Variants in SERPINI1 observed in about 807,000 individuals in gnomAD.
SERPINI1 encodes serpin family I member 1, also known as neuroserpin.
SERPINI1 carries 19 observed loss-of-function variants against 41.1 expected under a neutral mutation model. The observed-to-expected ratio is 0.46, with a 90% CI of 0.32 to 0.68. The LOEUF (loss-of-function observed/expected upper bound fraction) is 0.68, where lower values mean the gene tolerates loss of function less well. SERPINI1 is among the 30% of genes least tolerant of loss of function. SERPINI1 has a pLI of 0.03. For missense variants in SERPINI1, 460 were observed against 479.2 expected (o/e 0.96, Z 0.37); for synonymous variants, 138 against 156.6 (o/e 0.88, Z 0.89).
intron 1 of SERPINI1, among the ~76,000 whole-genome samples, chr3:167,774,078 G>C (rs993229833): frequency 6.6e-6 from 1 of 151,994 alleles, no homozygotes; most frequent in Non-Finnish European, 1.5e-5. Context: ...AAATAATAAA[G>C]ATTTTTTTCC....
intron 1 of SERPINI1, among the ~76,000 whole-genome samples, chr3:167,754,628 C>A (rs1726142521): frequency 6.6e-6 from 1 of 152,260 alleles, no homozygotes; most frequent in South Asian, 2.1e-4. Flanking sequence ...GGAAGTGTCA[C>A]TAATCAGATA....
intron 1 of SERPINI1, among the ~76,000 whole-genome samples, chr3:167,768,947 T>C (rs982530620): frequency 6.6e-6 from 1 of 152,152 alleles, no homozygotes; most frequent in Non-Finnish European, 1.5e-5. Flanking sequence ...CCAGTATGCC[T>C]GTCTCCAGGA....
intron 5 of SERPINI1, among the ~76,000 whole-genome samples, chr3:167,802,520 GA>G (rs1469894699): frequency 7.2e-6 from 1 of 138,950 alleles, no homozygotes; most frequent in Non-Finnish European, 1.6e-5. Context: ...AAAAACACAT[GA>G]AAAAATGCTC....
At chr3:167,808,992 G>A (rs552168802) in intron 6 of SERPINI1, among the ~76,000 whole-genome samples, 161 of 152,198 alleles carry the variant, frequency 1.1e-3, no homozygotes, top group African/African-American at 3.3e-3. Flanking sequence ...TCTACCCCTC[G>A]TTCAGAGAGC....
chr3:167,769,506 GT>G (rs568157482), intron 1 of SERPINI1, among the ~76,000 whole-genome samples: 5 of 152,084 alleles, frequency 3.3e-5, no homozygotes, highest in Non-Finnish European at 7.4e-5. Flanking sequence ...GCTTATTCTA[GT>G]TTATCAGATG....
At chr3:167,746,968 A>G (rs939541749) in intron 1 of SERPINI1, among the ~76,000 whole-genome samples, 6 of 152,240 alleles carry the variant, frequency 3.9e-5, no homozygotes, top group African/African-American at 1.4e-4. Flanking sequence ...TTGTCTACAC[A>G]AAAACATCCA....
intron 1 of SERPINI1, among the ~76,000 whole-genome samples, chr3:167,736,687 G>A (rs1320520347): frequency 6.6e-6 from 1 of 152,116 alleles, no homozygotes; most frequent in Non-Finnish European, 1.5e-5. Flanking sequence ...CACATGTAGT[G>A]TCATAAAATA....
intron 1 of SERPINI1, among the ~76,000 whole-genome samples, chr3:167,776,823 T>G (rs1726982651): frequency 6.6e-6 from 1 of 152,238 alleles, no homozygotes; most frequent in African/African-American, 2.4e-5. Context: ...TATGTAGTAT[T>G]TCTGTCAGCA....
intron 1 of SERPINI1, 57 bp downstream of exon 1, chr3:167,735,880 A>G (rs1472122642): frequency 1.3e-5 from 2 of 152,196 alleles, no homozygotes; most frequent in East Asian, 1.9e-4. Flanking sequence ...ACGTCTTCCA[A>G]TAGGAATTAC....
At chr3:167,751,161 T>C (rs1410476613) in intron 1 of SERPINI1, among the ~76,000 whole-genome samples, 3 of 152,108 alleles carry the variant, frequency 2.0e-5, no homozygotes, top group Admixed American at 1.3e-4. Context: ...CAGAGTTTAT[T>C]ATGTTAGGAA....
intron 6 of SERPINI1, among the ~76,000 whole-genome samples, chr3:167,818,968 C>G (rs1023008164): frequency 6.6e-6 from 1 of 152,148 alleles, no homozygotes; most frequent in Non-Finnish European, 1.5e-5. Flanking sequence ...TGTGGATACT[C>G]ATTACCCTGT....
chr3:167,807,383 G>T lies in SERPINI1; in HGVS notation c.979+42G>T, dbSNP rs1711685401. 4.0e-6 allele frequency: 5 copies of T among 1,250,672 alleles called. No homozygotes were observed. In the East Asian group the frequency reaches 1.2e-4, roughly 29 times the overall value. 77.5% of individuals were successfully genotyped at this position (1,250,672 alleles called of 1,614,324 possible). A position where few individuals can be genotyped will look rare whatever the true frequency, so the allele number is the denominator to read the frequency against. On this transcript the variant is annotated intron_variant, in intron 6 of 8. Coordinates refer to ENST00000446050, the MANE Select transcript of SERPINI1 (RefSeq NM_001122752.2). Reference sequence around the variant, plus strand: ...AATTTTTAAAAATGTTATTCCATAAGAGCTTTATTAAATGATGATATTAAA... The same window carrying T: ...AATTTTTAAAAATGTTATTCCATAATAGCTTTATTAAATGATGATATTAAA...
Position 167,782,093 on chromosome 3 carries a change from G to T in SERPINI1, c.-18-7018G>T, listed in dbSNP as rs557736574. 5.3e-5 allele frequency among the ~76,000 whole-genome samples: 8 copies of T among 152,222 alleles called. No individual in the cohort carries two copies. The South Asian group carries it at 1.5e-3, about 28-fold the overall frequency. On this transcript the variant is annotated intron_variant, in intron 1 of 8. Coordinates refer to ENST00000446050, the MANE Select transcript of SERPINI1 (RefSeq NM_001122752.2). Reference sequence around the variant, plus strand: ...CACTGTCTATTACTATTCTGGTACTGCAGCCTCTTGTTGTTTTTATGTAAA... The same window carrying T: ...CACTGTCTATTACTATTCTGGTACTTCAGCCTCTTGTTGTTTTTATGTAAA...
intron 6 of SERPINI1, among the ~76,000 whole-genome samples, chr3:167,816,467 T>C (rs560046629): frequency 2.0e-5 from 3 of 152,350 alleles, no homozygotes; most frequent in Non-Finnish European, 4.4e-5. Flanking sequence ...TTAACCACTT[T>C]CGTTCAACAA....
chr3:167,806,334 G>C lies in SERPINI1; in HGVS notation c.882-910G>C, dbSNP rs150192881. Among the ~76,000 whole-genome samples, 695 of 152,100 alleles carry C rather than the reference G, an allele frequency of 4.6e-3. 7 individuals are homozygous for C. Among genetic ancestry groups the C allele is most frequent in the African/African-American group, 0.016 (656 of 41,486 alleles). ...CTGGGTCCTGTCTGAGGGGGTAGGG[G>C]GGCAAGGGGAGGGAGAGCATTAGGA... On this transcript the variant is annotated intron_variant, in intron 5 of 8. Coordinates refer to ENST00000446050, the MANE Select transcript of SERPINI1 (RefSeq NM_001122752.2).
chr3:167,753,855 A>G (rs1726119528), intron 1 of SERPINI1, among the ~76,000 whole-genome samples: 1 of 152,208 alleles, frequency 6.6e-6, no homozygotes, highest in Non-Finnish European at 1.5e-5. Flanking sequence ...CTGTGAAATA[A>G]TTATATAGTG....
intron 1 of SERPINI1, among the ~76,000 whole-genome samples, chr3:167,770,498 G>A (rs1726713657): frequency 6.6e-6 from 1 of 151,836 alleles, no homozygotes; most frequent in Non-Finnish European, 1.5e-5. Flanking sequence ...TCTTATCACT[G>A]TTTTTATTCC....
At chr3:167,796,582 C>T (rs573333151) in intron 5 of SERPINI1, among the ~76,000 whole-genome samples, 2 of 152,072 alleles carry the variant, frequency 1.3e-5, no homozygotes, top group Non-Finnish European at 2.9e-5. Context: ...TGTTCAGCTC[C>T]CACTTATAAG....
At chr3:167,812,747 A>G (rs1378871639) in intron 6 of SERPINI1, among the ~76,000 whole-genome samples, 5 of 152,196 alleles carry the variant, frequency 3.3e-5, no homozygotes, top group African/African-American at 1.2e-4. Context: ...TTTTATTTCA[A>G]TTTGATATCC....
Sources: allele counts gnomAD v4.1 joint callset (sites outside exome capture counted in the v4.1 genomes callset), GRCh38; gene constraint gnomAD v4.1.1; transcripts MANE v1.5; gene names NCBI Gene and HGNC (gene_info 2026-07-23, HGNC 2026-07-21).